Variants in SPIDR observed in about 807,000 individuals in gnomAD.
The protein encoded by SPIDR is DNA repair-scaffolding protein.
Under a neutral mutation model 104.6 loss-of-function variants are expected in SPIDR, and 93 were observed. The observed-to-expected ratio is 0.89, with a 90% CI of 0.75 to 1.06. The LOEUF (loss-of-function observed/expected upper bound fraction) is 1.06, where lower values mean the gene tolerates loss of function less well. Among genes scored for constraint, SPIDR ranks in the 50% least tolerant of loss-of-function variants. The pLI is 0.00. For synonymous variants in SPIDR, 431 were observed against 416.9 expected (o/e 1.03, Z -0.41); for missense variants, 1,154 against 1,111.2 (o/e 1.04, Z -0.55).
At chr8:47,468,646 C>T (rs1418570116) in intron 8 of SPIDR, among the ~76,000 whole-genome samples, 2 of 152,100 alleles carry the variant, frequency 1.3e-5, no homozygotes, top group African/African-American at 2.4e-5. Context: ...GCTGGCTAGC[C>T]ACATGCAGAA....
At chr8:47,709,868 C>T (rs770778991) in intron 14 of SPIDR, among the ~76,000 whole-genome samples, 79 of 148,958 alleles carry the variant, frequency 5.3e-4, no homozygotes, top group South Asian at 1.3e-3. Flanking sequence ...AATCTTTGCC[C>T]TTCCTGAAAT....
At chr8:47,659,350 T>A (rs865967707) in intron 10 of SPIDR, among the ~76,000 whole-genome samples, 1 of 152,242 alleles carries the variant, frequency 6.6e-6, no homozygotes, top group Middle Eastern at 3.2e-3. Context: ...TTCATTGATA[T>A]TTAAAAGTTT....
intron 10 of SPIDR, among the ~76,000 whole-genome samples, chr8:47,671,542 T>C (rs1404285566): frequency 6.6e-6 from 1 of 150,994 alleles, no homozygotes; most frequent in Non-Finnish European, 1.5e-5. Context: ...CTGAGATTGC[T>C]CCACTGCACC....
rs2154211597 is a variant in SPIDR, at chr8:47,267,030, G to C, written c.33+6039G>C. On this transcript the variant is annotated intron_variant, in intron 1 of 19. Transcript: ENST00000297423. The stretch of plus-strand genomic sequence containing the variant: ...TTTCATTAAAAATAATGTTTTCCAG[G>C]TTTATACATGTTGTTGCATGTATCA... Among the ~76,000 whole-genome samples, 4 of 152,074 alleles carry C rather than the reference G, an allele frequency of 2.6e-5. 1 individual carries two copies. In the South Asian group the frequency reaches 8.3e-4, roughly 32 times the overall value.
intron 10 of SPIDR, among the ~76,000 whole-genome samples, chr8:47,643,495 C>T (rs1051742115): frequency 6.7e-6 from 1 of 149,658 alleles, no homozygotes; most frequent in Non-Finnish European, 1.5e-5. Flanking sequence ...ACTTAAGGCA[C>T]ATATCACCAC....
Position 47,288,520 on chromosome 8 carries a change from G to A in SPIDR, c.257-2513G>A, listed in dbSNP as rs995701723. 4.6e-5 allele frequency among the ~76,000 whole-genome samples: 7 copies of A among 152,170 alleles called. No homozygotes were observed. In the South Asian group the frequency reaches 6.2e-4, roughly 14 times the overall value. ...AGGCTGGTCTTGAACTTCTGACCTC[G>A]TGATCCACCCACCTCGGCCTCCCGA... On this transcript the variant is annotated intron_variant, in intron 3 of 19. Coordinates refer to ENST00000297423, the MANE Select transcript of SPIDR (RefSeq NM_001080394.4).
intron 5 of SPIDR, among the ~76,000 whole-genome samples, chr8:47,310,834 A>G (rs587718368): frequency 3.3e-5 from 5 of 152,334 alleles, no homozygotes; most frequent in South Asian, 4.1e-4. Context: ...TTACCTACCT[A>G]TTAAGCAAAA....
chr8:47,551,406 T>G (rs2090457486), intron 8 of SPIDR, among the ~76,000 whole-genome samples: 2 of 152,156 alleles, frequency 1.3e-5, no homozygotes, highest in African/African-American at 4.8e-5. Context: ...GTCCTGAACT[T>G]TTTTTGGTTG....
intron 5 of SPIDR, among the ~76,000 whole-genome samples, chr8:47,338,775 A>T (rs933037146): frequency 1.3e-5 from 2 of 152,230 alleles, no homozygotes; most frequent in African/African-American, 4.8e-5. Context: ...TTATTTATAC[A>T]TAAAGAGGCC....
chr8:47,544,733 G>A (rs2088925417), intron 8 of SPIDR, among the ~76,000 whole-genome samples: 1 of 152,190 alleles, frequency 6.6e-6, no homozygotes, highest in Non-Finnish European at 1.5e-5. Flanking sequence ...GACTACAGAA[G>A]CTGTATGTCT....
chr8:47,591,135 A>G (rs965791718), intron 8 of SPIDR, among the ~76,000 whole-genome samples: 3 of 149,520 alleles, frequency 2.0e-5, no homozygotes, highest in African/African-American at 7.3e-5. Flanking sequence ...ATTTATCCTC[A>G]GTGTAATTAT....
At chr8:47,401,574 T>C (rs1485495185) in intron 6 of SPIDR, among the ~76,000 whole-genome samples, 2 of 152,108 alleles carry the variant, frequency 1.3e-5, no homozygotes, top group East Asian at 1.9e-4. Flanking sequence ...CAGTGTGCTG[T>C]ATTCAGGAAA....
Position 47,348,676 on chromosome 8 carries a change from A to G in SPIDR, c.526-47700A>G, listed in dbSNP as rs544318765. The stretch of plus-strand genomic sequence containing the variant: ...TTTCTTTTTACTCTTTTTTCTCTAA[A>G]CTTCTCTTTTCGCTTCATTTCATTC... On this transcript the variant is annotated intron_variant, in intron 5 of 19. Coordinates refer to ENST00000297423, the MANE Select transcript of SPIDR (RefSeq NM_001080394.4). 6.5e-4 allele frequency among the ~76,000 whole-genome samples: 99 copies of G among 151,712 alleles called. 1 individual carries two copies. The highest frequency in any genetic ancestry group is 1.2e-3 in the African/African-American group (49 of 41,304).
intron 5 of SPIDR, among the ~76,000 whole-genome samples, chr8:47,360,184 G>A (rs1338687893): frequency 7.1e-6 from 1 of 140,290 alleles, no homozygotes. Flanking sequence ...GGAGGTTGCA[G>A]TGAGCGGAGA....
At chr8:47,516,552 TTTAC>T (rs3062708) in intron 8 of SPIDR, among the ~76,000 whole-genome samples, 14 of 152,332 alleles carry the variant, frequency 9.2e-5, no homozygotes, top group African/African-American at 3.4e-4. Flanking sequence ...TCTGGCTTAT[TTTAC>T]TTAGCATAAT....
intron 8 of SPIDR, chr8:47,592,571 T>C: frequency 7.8e-7 from 1 of 1,283,978 alleles, no homozygotes. Context: ...CAGCAAACCC[T>C]GGGTTTCCTT....
At chr8:47,585,990 A>G (rs1004742701) in intron 8 of SPIDR, among the ~76,000 whole-genome samples, 3 of 152,128 alleles carry the variant, frequency 2.0e-5, no homozygotes, top group African/African-American at 7.2e-5. Context: ...TATGCTCTCC[A>G]CTTCTTTAGG....
At chr8:47,291,936 T>G (rs976409271) in intron 4 of SPIDR, among the ~76,000 whole-genome samples, 119 of 152,320 alleles carry the variant, frequency 7.8e-4, no homozygotes, top group Middle Eastern at 6.8e-3. Flanking sequence ...GCCAGATGAT[T>G]CTTTGCTATG....
chr8:47,294,098 T>G, intron 5 of SPIDR, 68 bp downstream of exon 5: 19 of 1,535,280 alleles, frequency 1.2e-5, no homozygotes, highest in Non-Finnish European at 1.6e-5. Flanking sequence ...TGTCATTTTT[T>G]TTTTTGTTTT....
Sources: gnomAD v4.1 joint callset for allele counts (sites outside exome capture counted in the v4.1 genomes callset) on GRCh38, gnomAD v4.1.1 for gene constraint, MANE v1.5 for transcripts, NCBI Gene and HGNC (gene_info 2026-07-23, HGNC 2026-07-21) for gene names.